The following EIF4A1 variants were observed in gnomAD, a reference collection of about 807,000 sequenced individuals.
EIF4A1 encodes the protein eukaryotic initiation factor 4A-I.
Under a neutral mutation model 53.5 loss-of-function variants are expected in EIF4A1, and 11 were observed. The observed-to-expected ratio is 0.21, with a 90% CI of 0.13 to 0.34. The LOEUF is 0.34. Among genes scored for constraint, EIF4A1 ranks in the 10% least tolerant of loss-of-function variants. The pLI, the probability that EIF4A1 is intolerant of heterozygous loss-of-function variation, is 1.00. For missense variants in EIF4A1, 213 were observed against 530.8 expected (o/e 0.40, Z 5.88); for synonymous variants, 237 against 186.7 (o/e 1.27, Z -2.20).
chr17:7,574,930 T>C (rs2150925061), intron 3 of EIF4A1, 189 bp from the exon 4 acceptor site: 1 of 1,009,778 alleles, frequency 9.9e-7, no homozygotes, highest in Middle Eastern at 3.1e-4. Context: ...TGTGCAATAC[T>C]AGATGAGTTA....
Position 7,574,693 on chromosome 17 carries a change from T to A in EIF4A1, c.205+15T>A. 1 of 1,612,284 alleles carries A rather than the reference T, an allele frequency of 6.2e-7. No individual in the cohort carries two copies. On this transcript the variant is annotated intron_variant, in intron 3 of 10. Coordinates refer to ENST00000293831, the MANE Select transcript of EIF4A1 (RefSeq NM_001416.4). ...TTGTATCAAGGGTGAGACCTCTCAGTCCCAGAAGACATTGTGGACTGTCCC... is the reference window on the plus strand; with the variant it reads ...TTGTATCAAGGGTGAGACCTCTCAGACCCAGAAGACATTGTGGACTGTCCC...
chr17:7,574,167 C>T, intron 1 of EIF4A1, 93 bp from the exon 2 acceptor site: 1 of 1,445,618 alleles, frequency 6.9e-7, no homozygotes, highest in Non-Finnish European at 9.7e-7. Flanking sequence ...AGATTGATGG[C>T]ATCATGCAGG....
chr17:7,575,214 A>G lies in EIF4A1; in HGVS notation c.301A>G (p.Thr101Ala). 3 of 1,613,776 alleles carry G rather than the reference A, an allele frequency of 1.9e-6. No homozygotes were observed. The highest frequency in any genetic ancestry group is 2.5e-6 in the Non-Finnish European group (3 of 1,180,024). ...GCAGATTGAATTAGATCTAAAAGCCACCCAGGCCTTGGTCCTAGCACCCAC... is the reference window on the plus strand; with the variant it reads ...GCAGATTGAATTAGATCTAAAAGCCGCCCAGGCCTTGGTCCTAGCACCCAC... Reference protein sequence around the residue: ...LQQIELDLKATQALVLAPTRE... With the variant: ...LQQIELDLKAAQALVLAPTRE... The change falls in exon 4 of 11, where the codon ACC becomes GCC. Residue 101 changes from threonine (T) to alanine (A), a missense_variant. By Grantham distance (58) the Thr-to-Ala change is moderately conservative. Transcript: ENST00000293831.
At position 7,574,695 on chromosome 17, in the gene EIF4A1, C is replaced by T. The variant is rs780524463; in HGVS notation, c.205+17C>T. On this transcript the variant is annotated intron_variant, in intron 3 of 10. Coordinates refer to ENST00000293831, the MANE Select transcript of EIF4A1 (RefSeq NM_001416.4). ...GTATCAAGGGTGAGACCTCTCAGTC[C>T]CAGAAGACATTGTGGACTGTCCCTG... 6.2e-7 allele frequency: 1 copy of T among 1,611,952 alleles called. No homozygotes were observed. The highest frequency in any genetic ancestry group is 8.5e-7 in the Non-Finnish European group (1 of 1,179,998).
chr17:7,576,412 A>G, intron 4 of EIF4A1, 112 bp from the exon 5 acceptor site: 1 of 1,362,550 alleles, frequency 7.3e-7, no homozygotes, highest in Non-Finnish European at 9.7e-7. Context: ...TGAGTTTAAT[A>G]ATAGTGCATG....
chr17:7,573,187 C>T (rs1004590424), intron 1 of EIF4A1: 7 of 526,558 alleles, frequency 1.3e-5, no homozygotes, highest in East Asian at 1.0e-4. Flanking sequence ...AAGGTGGAGG[C>T]GGCCGCCACT....
rs761560360 is a variant in EIF4A1 at position 7,576,703 on chromosome 17, C to T, written c.514+11C>T. 1.9e-5 allele frequency: 31 copies of T among 1,591,700 alleles called. No individual in the cohort carries two copies. Among genetic ancestry groups the T allele is most frequent in the Middle Eastern group, 1.7e-4 (1 of 5,986 alleles). ...ACCGGAGATACCTGTGTGAGTAATT[C>T]GGTTCTCCAATCCCCTGGGTCACTT... is the stretch of plus-strand genomic sequence containing the variant. On this transcript the variant is annotated intron_variant, in intron 5 of 10. Transcript: ENST00000293831.
At chr17:7,573,059 CAGCCCGGCT>C (rs1351661418) in intron 1 of EIF4A1, among the ~76,000 whole-genome samples, 195 bp downstream of exon 1, 1 of 152,118 alleles carries the variant, frequency 6.6e-6, no homozygotes, top group Non-Finnish European at 1.5e-5. Context: ...AGGGTAGGGA[CAGCCCGGCT>C]AGGGTCAGGC....
At chr17:7,576,899 G>A in intron 5 of EIF4A1, 157 bp from the exon 6 acceptor site, 3 of 1,331,646 alleles carry the variant, frequency 2.3e-6, no homozygotes, top group Non-Finnish European at 3.2e-6. Flanking sequence ...CAGGGCTGTT[G>A]TCTGCCTGGC....
At position 7,578,474 on chromosome 17, in the gene EIF4A1, T is replaced by C; in HGVS notation, c.1209T>C (p.Ala403=). 1 of 1,602,054 alleles carries C rather than the reference T, an allele frequency of 6.2e-7. No individual in the cohort carries two copies. The highest frequency in any genetic ancestry group is 8.5e-7 in the Non-Finnish European group (1 of 1,172,912). The change falls in exon 11 of 11, where the codon GCT becomes GCC. Residue 403 remains alanine, a synonymous_variant. Coordinates refer to ENST00000293831, the MANE Select transcript of EIF4A1 (RefSeq NM_001416.4). ...TSIEEMPLNV[A]DLI is the part of the protein sequence containing the mutation. ...TTGAGGAAATGCCCCTCAATGTTGC[T>C]GACCTCATCTGAGGGGCTGTCCTGC...
At chr17:7,574,911 C>T (rs1366034062) in intron 3 of EIF4A1, 1 of 1,019,726 alleles carries the variant, frequency 9.8e-7, no homozygotes, top group Non-Finnish European at 1.5e-6. Context: ...TGTTTCTAGT[C>T]CAGCTTGGTG....
chr17:7,573,918 C>A, intron 1 of EIF4A1: 1 of 270,534 alleles, frequency 3.7e-6, no homozygotes, highest in Non-Finnish European at 7.1e-6. Flanking sequence ...GTGGGAGGTG[C>A]ACGCGCTTGG....
At position 7,577,741 on chromosome 17, in the gene EIF4A1, G is replaced by A; in HGVS notation, c.906+35G>A. 2 of 1,613,780 alleles carry A rather than the reference G, an allele frequency of 1.2e-6. No homozygotes were observed. Among genetic ancestry groups the A allele is most frequent in the Non-Finnish European group, 1.7e-6 (2 of 1,180,002 alleles). ...CCCGCTGCCAGCCTGTTGTGGGTCT[G>A]CCCGTCAGAAGTGTCCTACTTGAAG... On this transcript the variant is annotated intron_variant, in intron 8 of 10. Coordinates refer to ENST00000293831, the MANE Select transcript of EIF4A1 (RefSeq NM_001416.4). This position sits in a 1 kb window ranked among gnomAD's most constrained non-coding sequence, Gnocchi z 4.7.
chr17:7,575,239 C>T lies in EIF4A1; in HGVS notation c.326C>T (p.Thr109Ile). 6.2e-7 allele frequency: 1 copy of T among 1,614,064 alleles called. No homozygotes were observed. The highest frequency in any genetic ancestry group is 8.5e-7 in the Non-Finnish European group (1 of 1,180,038). Reference sequence around the variant, plus strand: ...ACCCAGGCCTTGGTCCTAGCACCCACTCGAGAATTGGCTCAGCAGGTAAGA... The same window carrying T: ...ACCCAGGCCTTGGTCCTAGCACCCATTCGAGAATTGGCTCAGCAGGTAAGA... ...KATQALVLAP[T>I]RELAQQIQKV... Residue 109 changes from threonine (T) to isoleucine (I), a missense_variant, in exon 4 of 11, where the codon ACT becomes ATT. Around this residue, in one of 4 missense-constraint regions of EIF4A1, gnomAD observed 119 missense variants for 351.0 expected, o/e 0.34. Transcript: ENST00000293831.
Position 7,577,794 on chromosome 17 carries a change from C to T in EIF4A1, c.907-33C>T, listed in dbSNP as rs373711544. The T allele has an allele frequency of 1.2e-5, 20 of 1,614,022 alleles. No individual in the cohort carries two copies. In the East Asian group the frequency reaches 2.5e-4, roughly 20 times the overall value. ...AGGGTTCCTGGAACCCAGGTGCCTA[C>T]CTGGTCTGCTGCATATTTGTTTTCT... On this transcript the variant is annotated intron_variant, in intron 8 of 10. Coordinates refer to ENST00000293831, the MANE Select transcript of EIF4A1 (RefSeq NM_001416.4). The surrounding 1 kb of genome is among the most constrained non-coding windows in gnomAD (Gnocchi z 4.7).
At chr17:7,575,486 C>A in intron 4 of EIF4A1, 1 of 693,444 alleles carries the variant, frequency 1.4e-6, no homozygotes, top group South Asian at 1.6e-5. Context: ...TGAAGCCTGG[C>A]TGGCTGGGCA....
At chr17:7,576,735 T>C (rs1224740162) in intron 5 of EIF4A1, 43 bp downstream of exon 5, 6 of 1,571,514 alleles carry the variant, frequency 3.8e-6, no homozygotes, top group Admixed American at 1.8e-5. Flanking sequence ...ACTTTGCTCT[T>C]GTGCACGCTT....
Position 7,573,921 on chromosome 17 carries a change from G to C in EIF4A1, c.24-339G>C, listed in dbSNP as rs551315131. The C allele has an allele frequency of 1.2e-4, 32 of 273,020 alleles. No homozygotes were observed. The Admixed American group carries it at 1.4e-3, about 12-fold the overall frequency. 16.9% of individuals were successfully genotyped at this position (273,020 alleles called of 1,614,324 possible). On this transcript the variant is annotated intron_variant, in intron 1 of 10. Transcript: ENST00000293831. ...GCTGGTGCTGCGGTGGGAGGTGCACGCGCTTGGGCTTTAAGCGGCTGGGTC... is the reference window on the plus strand; with the variant it reads ...GCTGGTGCTGCGGTGGGAGGTGCACCCGCTTGGGCTTTAAGCGGCTGGGTC...
intron 5 of EIF4A1, 75 bp from the exon 6 acceptor site, chr17:7,576,981 T>A (rs1283256087): frequency 6.4e-7 from 1 of 1,555,750 alleles, no homozygotes; most frequent in South Asian, 1.1e-5. Context: ...CTGTTTTTTA[T>A]CAGCGAAGTT....
Sources: gnomAD v4.1 joint callset for allele counts (sites outside exome capture counted in the v4.1 genomes callset) on GRCh38, gnomAD v4.1.1 for gene constraint, gnomAD v4.1.1 regional missense constraint, Gnocchi (gnomAD v3.1) non-coding constraint, MANE v1.5 for transcripts, NCBI Gene and HGNC (gene_info 2026-07-23, HGNC 2026-07-21) for gene names.